ELAVL2: variants seen among roughly 807,000 people sequenced by gnomAD.
ELAVL2 encodes the protein ELAV like RNA binding protein 2, also known as ELAV-like protein 2.
ELAVL2 carries 4 observed loss-of-function variants against 34.6 expected under a neutral mutation model. That is an observed-to-expected ratio of 0.12 (90% confidence interval 0.06 to 0.26). The LOEUF is 0.26. ELAVL2 is among the 10% of genes least tolerant of loss of function. The pLI is 1.00. For synonymous variants in ELAVL2, 193 were observed against 154.8 expected, an observed-to-expected ratio of 1.25 and a Z score of -1.83; for missense variants, 432 against 442.8, an observed-to-expected ratio of 0.98 and a Z score of 0.22.
chr9:23,699,572 C>G (rs1274576404), intron 5 of ELAVL2, among the ~76,000 whole-genome samples: 2 of 152,306 alleles, frequency 1.3e-5, no homozygotes, highest in African/African-American at 4.8e-5. Context: ...ACTGGACAAG[C>G]TGCCTAGGAA....
the ELAVL2 span, among the ~76,000 whole-genome samples, chr9:23,846,695 C>G: frequency 0.22 from 33,771 of 151,800 alleles, 4,146 homozygotes; most frequent in Non-Finnish European, 0.26. Flanking sequence ...AGAGAAATAA[C>G]CAGACAAACC....
intron 2 of ELAVL2, among the ~76,000 whole-genome samples, chr9:23,741,318 G>A (rs1231312570): frequency 6.6e-6 from 1 of 152,128 alleles, no homozygotes; most frequent in African/African-American, 2.4e-5. Context: ...CCCATGTGAA[G>A]GTTTACAGCA....
intron 2 of ELAVL2, among the ~76,000 whole-genome samples, chr9:23,740,107 T>TAA (rs140004039): frequency 0.19 from 29,556 of 151,914 alleles, 3,089 homozygotes; most frequent in Admixed American, 0.27. Flanking sequence ...ACCCAAAAGT[T>TAA]AAAGGTTCAC....
At chr9:23,822,016 C>A (rs527530550) in intron 1 of ELAVL2, among the ~76,000 whole-genome samples, 1 of 151,904 alleles carries the variant, frequency 6.6e-6, no homozygotes, top group East Asian at 2.0e-4. Flanking sequence ...TCCCTCCGGA[C>A]TTCCGAGTCT....
intron 1 of ELAVL2, among the ~76,000 whole-genome samples, chr9:23,814,752 G>A (rs908931701): frequency 6.6e-6 from 1 of 152,032 alleles, no homozygotes. Context: ...TGCAATAAAG[G>A]TGGATGACCC....
intron 3 of ELAVL2, among the ~76,000 whole-genome samples, chr9:23,726,764 AC>A (rs954559981): frequency 9.9e-5 from 15 of 152,142 alleles, no homozygotes; most frequent in African/African-American, 3.6e-4. Context: ...CGTTAACCTA[AC>A]AAGTCAAAAG....
At chr9:23,732,812 G>C (rs965080621) in intron 2 of ELAVL2, among the ~76,000 whole-genome samples, 1 of 152,036 alleles carries the variant, frequency 6.6e-6, no homozygotes, top group Non-Finnish European at 1.5e-5. Flanking sequence ...TCTCTAAAAC[G>C]AGGGTAATTC....
chr9:23,834,917 C>T, the ELAVL2 span, among the ~76,000 whole-genome samples: 3 of 151,854 alleles, frequency 2.0e-5, no homozygotes, highest in African/African-American at 7.3e-5. Context: ...TTTATAGTAC[C>T]TTTTATCACA....
At chr9:23,795,350 C>T (rs2060789629) in intron 1 of ELAVL2, among the ~76,000 whole-genome samples, 2 of 152,012 alleles carry the variant, frequency 1.3e-5, no homozygotes, top group Admixed American at 6.6e-5. Context: ...TCGAGAACAG[C>T]GTGGCCAACA....
chr9:23,798,905 A>G (rs2061275456), intron 1 of ELAVL2, among the ~76,000 whole-genome samples: 1 of 152,216 alleles, frequency 6.6e-6, no homozygotes, highest in South Asian at 2.1e-4. Flanking sequence ...AGATAGATAT[A>G]ATTACAACCT....
intron 1 of ELAVL2, chr9:23,764,885 A>G: frequency 6.2e-6 from 6 of 973,384 alleles, no homozygotes; most frequent in Non-Finnish European, 6.2e-6. Context: ...CCATACCACA[A>G]TAGGTTAAAT....
chr9:23,744,689 T>TA (rs999560328), intron 2 of ELAVL2, among the ~76,000 whole-genome samples: 26 of 151,980 alleles, frequency 1.7e-4, no homozygotes, highest in African/African-American at 6.3e-4. Flanking sequence ...AAATGGATCT[T>TA]AACACAAAAG....
intron 5 of ELAVL2, 36 bp downstream of exon 5, chr9:23,701,343 T>C (rs781422170): frequency 2.5e-6 from 4 of 1,604,206 alleles, no homozygotes; most frequent in Non-Finnish European, 3.4e-6. Context: ...TCTCTTTCAG[T>C]TTAGTAGCTG....
intron 5 of ELAVL2, 101 bp downstream of exon 5, chr9:23,701,278 C>T (rs62539994): frequency 0.2 from 268,313 of 1,329,614 alleles, 29,401 homozygotes; most frequent in South Asian, 0.35. Flanking sequence ...ACAACACTGA[C>T]AAAAGCAAAC....
At chr9:23,822,335 AC>A (rs2064917929) in intron 1 of ELAVL2, among the ~76,000 whole-genome samples, 1 of 152,080 alleles carries the variant, frequency 6.6e-6, no homozygotes, top group Non-Finnish European at 1.5e-5. Flanking sequence ...TCTAGAGAGA[AC>A]CTGACGTTTA....
At chr9:23,763,471 G>C (rs1221614357) in intron 1 of ELAVL2, among the ~76,000 whole-genome samples, 2 of 151,950 alleles carry the variant, frequency 1.3e-5, no homozygotes, top group Non-Finnish European at 2.9e-5. Flanking sequence ...CCTCCACAAA[G>C]AACTGCTTCT....
At chr9:23,698,939 G>A (rs548191696) in intron 5 of ELAVL2, among the ~76,000 whole-genome samples, 2 of 152,308 alleles carry the variant, frequency 1.3e-5, no homozygotes, top group East Asian at 1.9e-4. Context: ...TGGGAGGAAT[G>A]AGAAATGGGG....
chr9:23,702,970 A>AAAAAAAAAAAAAAAAAAAAAAAAC (rs1563957235), intron 4 of ELAVL2, among the ~76,000 whole-genome samples: 1 of 145,996 alleles, frequency 6.8e-6, no homozygotes, highest in African/African-American at 2.5e-5. Context: ...AAAAAAAAAA[A>AAAAAAAAAAAAAAAAAAAAAAAAC]AAAAAAAAAA....
intron 1 of ELAVL2, among the ~76,000 whole-genome samples, chr9:23,802,941 C>A (rs1242733779): frequency 1.3e-5 from 2 of 151,954 alleles, no homozygotes; most frequent in Non-Finnish European, 2.9e-5. Context: ...ATTTCTTATA[C>A]AGTAAATATT....
Sources: allele counts gnomAD v4.1 joint callset (sites outside exome capture counted in the v4.1 genomes callset), GRCh38; gene constraint gnomAD v4.1.1; transcripts MANE v1.5; gene names NCBI Gene and HGNC (gene_info 2026-07-23, HGNC 2026-07-21).